The following RAD51B variants were observed in gnomAD, a reference collection of about 807,000 sequenced individuals.
RAD51B encodes RAD51 paralog B, also known as DNA repair protein RAD51 homolog 2.
Under a neutral mutation model 42.2 loss-of-function variants are expected in RAD51B, and 38 were observed. The observed-to-expected ratio is 0.90, with a 90% CI of 0.70 to 1.18. RAD51B has a LOEUF of 1.18. RAD51B is among the 50% of genes most tolerant of loss of function. RAD51B has a pLI of 0.00. For missense variants in RAD51B, 373 were observed against 400.7 expected (o/e 0.93, Z 0.59); for synonymous variants, 154 against 145.2 (o/e 1.06, Z -0.43).
intron 9 of RAD51B, among the ~76,000 whole-genome samples, chr14:68,458,486 T>C (rs763930993): frequency 5.9e-5 from 9 of 152,122 alleles, no homozygotes; most frequent in Non-Finnish European, 1.0e-4. Flanking sequence ...GAGCCCTAGC[T>C]CTTTTCTAGG....
intron 7 of RAD51B, among the ~76,000 whole-genome samples, chr14:67,937,812 G>A (rs528854538): frequency 1.3e-3 from 193 of 152,252 alleles, no homozygotes; most frequent in African/African-American, 4.4e-3. Flanking sequence ...TGGTAATAGT[G>A]AGGGTATTTT....
At chr14:68,650,983 G>A in intron 11 of RAD51B, 1 of 582,988 alleles carries the variant, frequency 1.7e-6, no homozygotes. Flanking sequence ...AGATACAAAT[G>A]GCCACACATA....
At chr14:68,225,052 G>A (rs1317960261) in intron 7 of RAD51B, among the ~76,000 whole-genome samples, 1 of 150,694 alleles carries the variant, frequency 6.6e-6, no homozygotes, top group African/African-American at 2.5e-5. Context: ...GAGAAAGAAT[G>A]TTTGTTAAGA....
chr14:68,201,033 A>T (rs1385503018), intron 7 of RAD51B, among the ~76,000 whole-genome samples: 1 of 152,146 alleles, frequency 6.6e-6, no homozygotes, highest in African/African-American at 2.4e-5. Flanking sequence ...TTTCCCTCCC[A>T]AAGTCGAAAG....
chr14:68,251,716 C>T (rs1430385494), intron 7 of RAD51B, among the ~76,000 whole-genome samples: 1 of 152,124 alleles, frequency 6.6e-6, no homozygotes, highest in Non-Finnish European at 1.5e-5. Flanking sequence ...GAACTTTTTC[C>T]AACTTTCAGT....
intron 7 of RAD51B, among the ~76,000 whole-genome samples, chr14:68,037,604 A>G (rs1288379136): frequency 6.6e-6 from 1 of 152,116 alleles, no homozygotes; most frequent in Non-Finnish European, 1.5e-5. Context: ...CAGTTGAACT[A>G]TTGTGTGCCA....
intron 10 of RAD51B, among the ~76,000 whole-genome samples, chr14:68,643,255 G>A (rs1209173869): frequency 1.3e-5 from 2 of 152,112 alleles, no homozygotes; most frequent in African/African-American, 4.8e-5. Flanking sequence ...AATCATTATG[G>A]GATGCCCCTC....
intron 8 of RAD51B, among the ~76,000 whole-genome samples, chr14:68,293,545 A>T (rs1345437791): frequency 1.3e-5 from 2 of 152,096 alleles, no homozygotes; most frequent in African/African-American, 4.8e-5. Flanking sequence ...TCCTATGCCA[A>T]GTGTGCCACT....
intron 7 of RAD51B, among the ~76,000 whole-genome samples, chr14:68,126,174 T>A (rs113204878): frequency 1.1e-4 from 16 of 152,310 alleles, no homozygotes; most frequent in African/African-American, 3.8e-4. Flanking sequence ...GTGCTAATAA[T>A]TTTTTACTGT....
rs114277283 is a variant in RAD51B, at chr14:67,929,620, T to C, written c.756+42416T>C. Among the ~76,000 whole-genome samples, 1,350 of 152,314 alleles carry C rather than the reference T, an allele frequency of 8.9e-3. 21 individuals carry two copies. The highest frequency in any genetic ancestry group is 0.031 in the African/African-American group (1,271 of 41,568). ...TTTGGTCTAAAGTCCCGTTTAAGTCTGATGTTTCTTTATTTTCTGTCTAGA... is the reference window on the plus strand; with the variant it reads ...TTTGGTCTAAAGTCCCGTTTAAGTCCGATGTTTCTTTATTTTCTGTCTAGA... On this transcript the variant is annotated intron_variant, in intron 7 of 10. Transcript: ENST00000471583.
At chr14:68,341,835 G>C (rs1161510408) in intron 8 of RAD51B, among the ~76,000 whole-genome samples, 1 of 152,166 alleles carries the variant, frequency 6.6e-6, no homozygotes, top group Non-Finnish European at 1.5e-5. Context: ...GTTCTCCAAA[G>C]GAAAGGAAGG....
At chr14:68,053,251 C>T (rs34257318) in intron 7 of RAD51B, among the ~76,000 whole-genome samples, 9 of 152,196 alleles carry the variant, frequency 5.9e-5, no homozygotes, top group Non-Finnish European at 1.3e-4. Context: ...TTTCCATAAG[C>T]GGTTCTGAAA....
chr14:68,531,601 G>A (rs1453706043), intron 10 of RAD51B, among the ~76,000 whole-genome samples: 1 of 152,028 alleles, frequency 6.6e-6, no homozygotes, highest in African/African-American at 2.4e-5. Flanking sequence ...CAAAAACTAA[G>A]AAAATGTAAA....
chr14:68,129,744 C>T (rs988079324), intron 7 of RAD51B, among the ~76,000 whole-genome samples: 16 of 152,152 alleles, frequency 1.1e-4, no homozygotes, highest in African/African-American at 3.6e-4. Context: ...GGTTCTCAAA[C>T]TTTAGTATAT....
chr14:68,603,760 G>A (rs1435116067), intron 10 of RAD51B, among the ~76,000 whole-genome samples: 2 of 152,258 alleles, frequency 1.3e-5, no homozygotes, highest in Non-Finnish European at 2.9e-5. Context: ...CAAAGACAGA[G>A]AGGGAGCCTG....
chr14:67,845,921 T>A (rs1440978566), intron 4 of RAD51B, among the ~76,000 whole-genome samples: 2 of 152,156 alleles, frequency 1.3e-5, no homozygotes, highest in African/African-American at 2.4e-5. Flanking sequence ...TTGGATAGTA[T>A]CTCACAGAAG....
intron 10 of RAD51B, among the ~76,000 whole-genome samples, chr14:68,501,545 G>A (rs956717050): frequency 1.3e-5 from 2 of 152,196 alleles, no homozygotes; most frequent in African/African-American, 4.8e-5. Context: ...ACACACCATG[G>A]GGGGCTGGAA....
At chr14:68,158,358 A>G (rs1302019436) in intron 7 of RAD51B, among the ~76,000 whole-genome samples, 3 of 152,230 alleles carry the variant, frequency 2.0e-5, no homozygotes, top group African/African-American at 7.2e-5. Flanking sequence ...TAATTTTTGC[A>G]TCTGCCAAGT....
chr14:68,050,220 G>C (rs566745232), intron 7 of RAD51B, among the ~76,000 whole-genome samples: 1 of 151,822 alleles, frequency 6.6e-6, no homozygotes, highest in South Asian at 2.1e-4. Flanking sequence ...CCCTTCAAAA[G>C]CTTATTCCTT....
Sources: allele counts gnomAD v4.1 joint callset (sites outside exome capture counted in the v4.1 genomes callset), GRCh38; gene constraint gnomAD v4.1.1; transcripts MANE v1.5; gene names NCBI Gene and HGNC (gene_info 2026-07-23, HGNC 2026-07-21).